Variants in MTIF2 observed in about 807,000 individuals in gnomAD.
The protein encoded by MTIF2 is mitochondrial translational initiation factor 2, also known as translation initiation factor IF-2, mitochondrial.
MTIF2 carries 71 observed loss-of-function variants against 83.5 expected under a neutral mutation model. The ratio of observed to expected loss-of-function variants is 0.85; its 90% confidence interval spans 0.70 to 1.04. MTIF2 has a LOEUF of 1.04. Among genes scored for constraint, MTIF2 ranks in the 50% least tolerant of loss-of-function variants. The probability of loss-of-function intolerance (pLI) is 0.00; values close to 1 mark genes in which losing one functional copy is unlikely to be tolerated. For synonymous variants in MTIF2, 319 were observed against 287.1 expected (o/e 1.11, Z -1.12); for missense variants, 957 against 846.5 (o/e 1.13, Z -1.62).
chr2:55,263,545 G>A (rs555088040), intron 4 of MTIF2, 95 bp downstream of exon 4: 2 of 911,068 alleles, frequency 2.2e-6, no homozygotes, highest in Non-Finnish European at 3.3e-6. Flanking sequence ...AAGAGGCGTA[G>A]GTTGCGGTGA....
rs201161115 is a variant in MTIF2, at chr2:55,240,035, A to C, written c.1846T>G (p.Cys616Gly). 1.1e-4 allele frequency: 185 copies of C among 1,612,890 alleles called. No individual in the cohort carries two copies. The highest frequency in any genetic ancestry group is 1.5e-4 in the Non-Finnish European group (172 of 1,179,782). ...CCTACTGGGTGCTCTTCCACAGCAC[A>C]GGGTAATCTGCTGCTCAGTTCCTCT... The part of the protein sequence containing the change: ...LQEELSSRLP[C>G]AVEEHPVGEA... Residue 616 changes from cysteine (C) to glycine (G), a missense_variant, in exon 14 of 16, where the codon TGT becomes GGT. By Grantham distance (159) the Cys-to-Gly change is radical. Coordinates refer to ENST00000263629, the MANE Select transcript of MTIF2 (RefSeq NM_002453.3).
chr2:55,245,340 G>C (rs1346192225), intron 10 of MTIF2, among the ~76,000 whole-genome samples: 1 of 152,088 alleles, frequency 6.6e-6, no homozygotes, highest in African/African-American at 2.4e-5. Context: ...TGGTCAACAT[G>C]GTGAAAATCC....
intron 8 of MTIF2, among the ~76,000 whole-genome samples, chr2:55,250,153 C>A (rs1340263831): frequency 1.3e-5 from 2 of 152,088 alleles, no homozygotes; most frequent in Non-Finnish European, 2.9e-5. Context: ...GGTTCCAGGA[C>A]CCCCACCACT....
chr2:55,251,712 C>T (rs1234212857), intron 8 of MTIF2, among the ~76,000 whole-genome samples: 1 of 152,220 alleles, frequency 6.6e-6, no homozygotes, highest in Admixed American at 6.5e-5. Context: ...CTACCTCCAC[C>T]TCCCGGGTTC....
chr2:55,254,052 C>T lies in MTIF2; in HGVS notation c.653G>A (p.Gly218Asp). The T allele has an allele frequency of 6.2e-7, 1 of 1,614,038 alleles. No homozygotes were observed. Among genetic ancestry groups the T allele is most frequent in the Non-Finnish European group, 8.5e-7 (1 of 1,179,982 alleles). The part of the protein sequence containing the change: ...VETGGITQHI[G>D]AFLVSLPSGE... ...ATTTGTGTTCATACCAAGAAAGGCACCAATGTGCTGAGTGATGCCTCCAGT... is the reference window on the plus strand; with the variant it reads ...ATTTGTGTTCATACCAAGAAAGGCATCAATGTGCTGAGTGATGCCTCCAGT... Residue 218 changes from glycine (G) to aspartate (D), a missense_variant, in exon 7 of 16, where the codon GGT becomes GAT. Physicochemically the swap from Gly to Asp is moderately conservative, Grantham distance 94 (BLOSUM62 -1). This residue lies in a region of MTIF2 where 733 missense variants were observed against 648.7 expected (regional missense o/e 1.13). Transcript: ENST00000263629.
intron 14 of MTIF2, among the ~76,000 whole-genome samples, chr2:55,239,474 A>G (rs1030277011): frequency 6.6e-6 from 1 of 152,188 alleles, no homozygotes; most frequent in Non-Finnish European, 1.5e-5. Flanking sequence ...TGGAAATTTA[A>G]AACTATTATC....
At chr2:55,241,146 G>C (rs1676272828) in intron 13 of MTIF2, among the ~76,000 whole-genome samples, 1 of 150,646 alleles carries the variant, frequency 6.6e-6, no homozygotes, top group African/African-American at 2.4e-5. Context: ...GGACGGGCAC[G>C]GTGGCTCACG....
chr2:55,238,017 G>C (rs1307128692), intron 14 of MTIF2, among the ~76,000 whole-genome samples: 1 of 151,554 alleles, frequency 6.6e-6, no homozygotes, highest in Non-Finnish European at 1.5e-5. Flanking sequence ...ATATTTTCTA[G>C]AGTAGATCAT....
intron 5 of MTIF2, among the ~76,000 whole-genome samples, chr2:55,256,071 C>T (rs1451272415): frequency 6.6e-6 from 1 of 152,068 alleles, no homozygotes; most frequent in Admixed American, 6.6e-5. Flanking sequence ...GACAGGGTTT[C>T]ACCATGTTGG....
At chr2:55,247,124 G>C (rs954774747) in intron 9 of MTIF2, among the ~76,000 whole-genome samples, 1 of 152,042 alleles carries the variant, frequency 6.6e-6, no homozygotes, top group Non-Finnish European at 1.5e-5. Flanking sequence ...ACCTTTCATG[G>C]TCTATGTTTA....
chr2:55,237,324 AT>A lies in MTIF2; in HGVS notation c.1974del (p.Lys658AsnfsTer4), dbSNP rs770359991. ...ACATGTCCATTACGGGTTAGTTTAAATTTTTTTTGTTTTTCTAACTGTCCCT... is the reference window on the plus strand; with the variant it reads ...ACATGTCCATTACGGGTTAGTTTAAATTTTTTTGTTTTTCTAACTGTCCCT... The part of the protein sequence containing the change: ...VQKGQLEKQK[K>X]FKLTRNGHVI... On this transcript the variant is annotated frameshift_variant, in exon 15 of 16. Coordinates refer to ENST00000263629, the MANE Select transcript of MTIF2 (RefSeq NM_002453.3). LOFTEE classifies it high-confidence loss of function. 6.2e-6 allele frequency: 10 copies of A among 1,612,032 alleles called. No homozygotes were observed. The highest frequency in any genetic ancestry group is 1.3e-5 in the African/African-American group (1 of 74,850).
Position 55,254,754 on chromosome 2 carries a change from C to T in MTIF2, c.403G>A (p.Glu135Lys). 6.2e-7 allele frequency: 1 copy of T among 1,610,008 alleles called. No individual in the cohort carries two copies. The highest frequency in any genetic ancestry group is 8.5e-7 in the Non-Finnish European group (1 of 1,178,008). Residue 135 changes from glutamate (E) to lysine (K), a missense_variant, in exon 6 of 16, where the codon GAA becomes AAA. Physicochemically the swap from Glu to Lys is moderately conservative, Grantham distance 56. This residue lies in a region of MTIF2 where 733 missense variants were observed against 648.7 expected (regional missense o/e 1.13). Transcript: ENST00000263629. The part of the protein sequence containing the change: ...DSLEADSHLD[E>K]VWIKEVITKA... ...GTTATCACTTCTTTGATCCAGACTT[C>T]ATCTAAATGTGAGTCTGCTTCCAGT...
intron 9 of MTIF2, 100 bp downstream of exon 9, chr2:55,249,295 C>T (rs1167471725): frequency 5.5e-6 from 8 of 1,453,398 alleles, no homozygotes; most frequent in East Asian, 2.4e-5. Context: ...AAAAACAACA[C>T]AAATTATGTA....
intron 9 of MTIF2, among the ~76,000 whole-genome samples, chr2:55,249,042 G>A (rs556543996): frequency 7.9e-5 from 12 of 152,284 alleles, no homozygotes; most frequent in African/African-American, 2.6e-4. Flanking sequence ...AAGAGGCTGA[G>A]GTGGGAGGAC....
intron 3 of MTIF2, among the ~76,000 whole-genome samples, chr2:55,264,648 C>A (rs1015600085): frequency 6.6e-6 from 1 of 152,176 alleles, no homozygotes; most frequent in African/African-American, 2.4e-5. Flanking sequence ...ACTTTGCACA[C>A]ACTTCCTCTA....
chr2:55,255,386 T>A (rs1222236866), intron 5 of MTIF2, among the ~76,000 whole-genome samples: 2 of 147,078 alleles, frequency 1.4e-5, no homozygotes, highest in African/African-American at 2.5e-5. Flanking sequence ...TATATATATT[T>A]ATATATAGTA....
At chr2:55,246,106 C>T (rs1248758526) in intron 10 of MTIF2, among the ~76,000 whole-genome samples, 3 of 152,174 alleles carry the variant, frequency 2.0e-5, no homozygotes, top group Non-Finnish European at 4.4e-5. Flanking sequence ...ACTTATGTCA[C>T]CTAAATATGA....
chr2:55,255,096 A>C (rs1027226886), intron 5 of MTIF2, among the ~76,000 whole-genome samples: 1 of 151,960 alleles, frequency 6.6e-6, no homozygotes, highest in Non-Finnish European at 1.5e-5. Context: ...TAAAACATTA[A>C]GATAAATTTA....
intron 9 of MTIF2, among the ~76,000 whole-genome samples, chr2:55,246,941 T>C (rs1321162454): frequency 8.5e-5 from 13 of 152,172 alleles, no homozygotes; most frequent in African/African-American, 1.7e-4. Context: ...ATATCAAGCA[T>C]GACTTACCCT....
Sources: gnomAD v4.1 joint callset for allele counts (sites outside exome capture counted in the v4.1 genomes callset) on GRCh38, gnomAD v4.1.1 for gene constraint, gnomAD v4.1.1 regional missense constraint, MANE v1.5 for transcripts, NCBI Gene and HGNC (gene_info 2026-07-23, HGNC 2026-07-21) for gene names.